Variants in GLIS3 observed in about 807,000 individuals in gnomAD.
The protein encoded by GLIS3 is GLIS family zinc finger 3.
In GLIS3, 53 loss-of-function variants were observed where a neutral mutation model predicts 78.6. That is an observed-to-expected ratio of 0.67 (90% CI 0.54 to 0.85). The LOEUF is 0.85. Ranked by LOEUF, GLIS3 falls within the 40% of genes least tolerant of loss-of-function variation. The pLI is 0.00. For synonymous variants in GLIS3, 684 were observed against 509.9 expected, an observed-to-expected ratio of 1.34 and a Z score of -4.60; for missense variants, 1,703 against 1,231.1, an observed-to-expected ratio of 1.38 and a Z score of -5.74.
intron 2 of GLIS3, among the ~76,000 whole-genome samples, chr9:4,166,346 C>G (rs1448612998): frequency 6.6e-6 from 1 of 152,010 alleles, no homozygotes; most frequent in African/African-American, 2.4e-5. Context: ...AAGCTGCAGC[C>G]CAGGAGACAC....
chr9:4,041,964 T>C (rs1237506553), intron 4 of GLIS3, among the ~76,000 whole-genome samples: 2 of 152,188 alleles, frequency 1.3e-5, no homozygotes, highest in African/African-American at 4.8e-5. Flanking sequence ...TTTGATGTGA[T>C]TTTGCATGTC....
At chr9:4,194,909 C>T (rs985915143) in intron 2 of GLIS3, among the ~76,000 whole-genome samples, 4 of 152,236 alleles carry the variant, frequency 2.6e-5, no homozygotes, top group African/African-American at 9.6e-5. Flanking sequence ...GAGCAGGAGG[C>T]CATTTTTAAT....
intron 2 of GLIS3, among the ~76,000 whole-genome samples, chr9:4,262,399 G>T (rs1192347871): frequency 6.6e-6 from 1 of 152,080 alleles, no homozygotes; most frequent in Non-Finnish European, 1.5e-5. Context: ...CAGCAAACAA[G>T]CAAGCTGGAG....
chr9:3,833,751 A>G (rs1818185605), intron 9 of GLIS3, among the ~76,000 whole-genome samples: 1 of 152,220 alleles, frequency 6.6e-6, no homozygotes, highest in South Asian at 2.1e-4. Flanking sequence ...TTGTTATTAT[A>G]CATTTAATTT....
intron 4 of GLIS3, among the ~76,000 whole-genome samples, chr9:3,987,822 A>AG (rs558508486): frequency 6.9e-4 from 104 of 151,458 alleles, no homozygotes; most frequent in African/African-American, 2.5e-3. Context: ...GATTCAAAAA[A>AG]CAGTGAATCC....
At chr9:3,916,242 C>T (rs762177629) in intron 6 of GLIS3, among the ~76,000 whole-genome samples, 1 of 152,176 alleles carries the variant, frequency 6.6e-6, no homozygotes, top group Non-Finnish European at 1.5e-5. Flanking sequence ...ATGTGAAATA[C>T]GGGCGACTTA....
the GLIS3 span, among the ~76,000 whole-genome samples, chr9:4,482,657 T>C: frequency 6.6e-6 from 1 of 152,226 alleles, no homozygotes; most frequent in Non-Finnish European, 1.5e-5. Context: ...GTCTTACTTT[T>C]TGTTTCTGAA....
the GLIS3 span, among the ~76,000 whole-genome samples, chr9:4,410,287 CAGTTCTTT>C: frequency 7.9e-5 from 12 of 152,108 alleles, no homozygotes; most frequent in East Asian, 1.9e-3. Flanking sequence ...CTGAAAAATT[CAGTTCTTT>C]ATTAGGGTTT....
At chr9:4,020,234 GC>G (rs1822769938) in intron 4 of GLIS3, among the ~76,000 whole-genome samples, 1 of 152,188 alleles carries the variant, frequency 6.6e-6, no homozygotes, top group African/African-American at 2.4e-5. Context: ...AGGAACAGCT[GC>G]CCTTGTGGTA....
chr9:4,318,838 CT>C (rs1338185041), intron 2 of GLIS3, among the ~76,000 whole-genome samples: 1 of 152,190 alleles, frequency 6.6e-6, no homozygotes, highest in Non-Finnish European at 1.5e-5. Context: ...CTCAAAATAT[CT>C]CCCCACAGAT....
At chr9:4,124,157 A>G (rs1016344670) in intron 3 of GLIS3, among the ~76,000 whole-genome samples, 7 of 152,220 alleles carry the variant, frequency 4.6e-5, no homozygotes, top group Non-Finnish European at 5.9e-5. Flanking sequence ...TATTTCACCA[A>G]GCAATTCCCA....
intron 4 of GLIS3, among the ~76,000 whole-genome samples, chr9:4,050,175 T>C (rs1050782559): frequency 4.6e-5 from 7 of 152,106 alleles, no homozygotes; most frequent in African/African-American, 7.2e-5. Flanking sequence ...CTATTCACCA[T>C]AGCAAAGACT....
At chr9:3,888,571 G>T (rs1275617813) in intron 7 of GLIS3, among the ~76,000 whole-genome samples, 1 of 152,188 alleles carries the variant, frequency 6.6e-6, no homozygotes. Context: ...AGCCCTTCTG[G>T]AGAATTACGC....
At chr9:4,145,055 C>T (rs1174860825) in intron 2 of GLIS3, 1 of 152,198 alleles carries the variant, frequency 6.6e-6, no homozygotes, top group East Asian at 1.9e-4. Flanking sequence ...GAAAGCAAGG[C>T]TTAACTGACC....
intron 10 of GLIS3, 138 bp from the exon 11 acceptor site, chr9:3,828,546 G>A (rs536051100): frequency 3.7e-6 from 4 of 1,088,950 alleles, no homozygotes; most frequent in South Asian, 2.7e-5. Context: ...GCCCTATAGT[G>A]AGTCTCTGTT....
intron 4 of GLIS3, among the ~76,000 whole-genome samples, chr9:3,978,346 C>G (rs1252116868): frequency 2.0e-5 from 3 of 151,854 alleles, no homozygotes; most frequent in African/African-American, 7.3e-5. Flanking sequence ...GAAACTATTA[C>G]TATATTGGTA....
intron 6 of GLIS3, among the ~76,000 whole-genome samples, chr9:3,907,604 A>C: frequency 1.3e-5 from 1 of 74,202 alleles, no homozygotes; most frequent in African/African-American, 4.7e-5. Flanking sequence ...TCCACCCCCC[A>C]AACACACACA....
intron 2 of GLIS3, among the ~76,000 whole-genome samples, chr9:4,210,282 C>G (rs1820267369): frequency 6.6e-6 from 1 of 152,186 alleles, no homozygotes; most frequent in Non-Finnish European, 1.5e-5. Flanking sequence ...ATCATTCCAT[C>G]TTTGAACAAT....
intron 4 of GLIS3, among the ~76,000 whole-genome samples, chr9:3,959,352 T>C (rs1311759195): frequency 1.3e-5 from 2 of 152,186 alleles, no homozygotes; most frequent in Non-Finnish European, 2.9e-5. Flanking sequence ...CCTCCAAAAC[T>C]GTAAGAAATA....
Sources: gnomAD v4.1 joint callset for allele counts (sites outside exome capture counted in the v4.1 genomes callset) on GRCh38, gnomAD v4.1.1 for gene constraint, MANE v1.5 for transcripts, NCBI Gene and HGNC (gene_info 2026-07-23, HGNC 2026-07-21) for gene names.